FGF12: variants seen among roughly 807,000 people sequenced by gnomAD.
FGF12 encodes the protein fibroblast growth factor 12.
A neutral mutation model predicts 23.6 loss-of-function variants in FGF12; 14 were observed. The ratio of observed to expected loss-of-function variants is 0.59; its 90% CI spans 0.39 to 0.93. The LOEUF (loss-of-function observed/expected upper bound fraction) is 0.93, where lower values mean the gene tolerates loss of function less well. Ranked by LOEUF, FGF12 falls within the 40% of genes least tolerant of loss-of-function variation. The pLI, the probability that FGF12 is intolerant of heterozygous loss-of-function variation, is 0.00. For missense variants in FGF12, 175 were observed against 217.8 expected (o/e 0.80, Z 1.24); for synonymous variants, 62 against 77.3 (o/e 0.80, Z 1.04).
chr3:192,334,521 T>C (rs1717290365), intron 4 of FGF12, among the ~76,000 whole-genome samples: 1 of 152,042 alleles, frequency 6.6e-6, no homozygotes, highest in African/African-American at 2.4e-5. Context: ...AAAGCGGAAA[T>C]ACACACATAT....
chr3:192,359,764 T>G (rs905440257), intron 3 of FGF12, among the ~76,000 whole-genome samples: 7 of 151,874 alleles, frequency 4.6e-5, no homozygotes, highest in Non-Finnish European at 8.8e-5. Context: ...AAATTATTAT[T>G]AATCTTTGAA....
rs370955597 is a variant in FGF12 at position 192,149,428 on chromosome 3, A to G, written c.428-5301T>C. Among the ~76,000 whole-genome samples the G allele has an allele frequency of 2.1e-3, 285 of 137,410 alleles. 1 individual carries two copies. Among genetic ancestry groups the G allele is most frequent in the African/African-American group, 7.4e-3 (275 of 37,040 alleles). The allele number at this position is 137,410 out of a possible 152,430, so 90.1% of individuals were successfully genotyped here. ...CACTGCACCCACTAACTCGTCATCT[A>G]GCATTAGGTATATCTCCCAATGCTA... is the stretch of plus-strand genomic sequence containing the variant. On this transcript the variant is annotated intron_variant, in intron 5 of 5. Transcript: ENST00000445105.
At chr3:192,385,674 A>G (rs181203607) in intron 2 of FGF12, among the ~76,000 whole-genome samples, 2 of 152,158 alleles carry the variant, frequency 1.3e-5, no homozygotes, top group Admixed American at 1.3e-4. Flanking sequence ...TGTCCAAGCA[A>G]CATCCACCTC....
At chr3:192,338,741 G>A (rs1346063498) in intron 3 of FGF12, among the ~76,000 whole-genome samples, 1 of 152,174 alleles carries the variant, frequency 6.6e-6, no homozygotes, top group Non-Finnish European at 1.5e-5. Flanking sequence ...GAGAAAATAA[G>A]TCCTTGTTCT....
intron 2 of FGF12, among the ~76,000 whole-genome samples, chr3:192,592,863 G>A (rs1027079030): frequency 1.3e-5 from 2 of 151,770 alleles, no homozygotes; most frequent in African/African-American, 2.4e-5. Flanking sequence ...GCACAAAATT[G>A]TCTGCTTTGA....
intron 2 of FGF12, among the ~76,000 whole-genome samples, chr3:192,388,289 A>G (rs923538522): frequency 1.3e-5 from 2 of 152,210 alleles, no homozygotes; most frequent in Non-Finnish European, 2.9e-5. Flanking sequence ...TACATAAAAC[A>G]TAAGTGTCTA....
intron 2 of FGF12, among the ~76,000 whole-genome samples, chr3:192,572,595 A>C (rs1289992898): frequency 6.6e-6 from 1 of 152,228 alleles, no homozygotes; most frequent in Non-Finnish European, 1.5e-5. Context: ...CTTTAATTTG[A>C]ACCCAAGGAC....
chr3:192,662,553 T>G (rs1716711783), intron 2 of FGF12, among the ~76,000 whole-genome samples: 1 of 152,228 alleles, frequency 6.6e-6, no homozygotes, highest in South Asian at 2.1e-4. Context: ...AGGTCTGACT[T>G]GGATCCTCTA....
intron 2 of FGF12, among the ~76,000 whole-genome samples, chr3:192,588,349 C>CAAAAAAAAAA (rs1201739223): frequency 2.8e-4 from 19 of 66,922 alleles, no homozygotes; most frequent in South Asian, 6.5e-4. Context: ...CAATCCGTCT[C>CAAAAAAAAAA]AAAAAAAAAA....
intron 4 of FGF12, among the ~76,000 whole-genome samples, chr3:192,252,462 C>CAAAAAAAAAAAAAAAAAA (rs56920518): frequency 1.5e-4 from 4 of 27,494 alleles, no homozygotes; most frequent in Admixed American, 6.5e-4. Flanking sequence ...GAATCTGTCT[C>CAAAAAAAAAAAAAAAAAA]AAAAAAAAAA....
intron 4 of FGF12, among the ~76,000 whole-genome samples, chr3:192,276,114 G>A (rs1713767770): frequency 6.6e-6 from 1 of 152,142 alleles, no homozygotes. Context: ...AGTTAAAGAG[G>A]CTCATATATG....
intron 2 of FGF12, among the ~76,000 whole-genome samples, chr3:192,711,559 A>G (rs562176369): frequency 1.2e-4 from 19 of 152,184 alleles, no homozygotes; most frequent in African/African-American, 4.3e-4. Flanking sequence ...GTGTCTGTGT[A>G]GAAAGAAGTA....
intron 3 of FGF12, among the ~76,000 whole-genome samples, chr3:192,337,511 A>G (rs1717478226): frequency 6.6e-6 from 1 of 152,210 alleles, no homozygotes; most frequent in Non-Finnish European, 1.5e-5. Context: ...AATCTTAGAT[A>G]TCTGGACTTT....
intron 3 of FGF12, among the ~76,000 whole-genome samples, chr3:192,337,111 C>T (rs1223717234): frequency 6.6e-6 from 1 of 152,034 alleles, no homozygotes; most frequent in South Asian, 2.1e-4. Flanking sequence ...AAGAACTAGA[C>T]AAAGTCTAGT....
Position 192,249,184 on chromosome 3 carries a change from C to A in FGF12, c.229-78528G>T, listed in dbSNP as rs1260900320. 1.3e-5 allele frequency among the ~76,000 whole-genome samples: 2 copies of A among 151,978 alleles called. 1 individual carries two copies. The highest frequency in any genetic ancestry group is 3.9e-4 in the East Asian group (2 of 5,184). On this transcript the variant is annotated intron_variant, in intron 4 of 5. Coordinates refer to ENST00000445105, the MANE Select transcript of FGF12 (RefSeq NM_004113.6). ...ATGTGATATAACTCCCATCCAAGGTCCCTAGCAGAATGTCTTTCACAAAGC... is the reference window on the plus strand; with the variant it reads ...ATGTGATATAACTCCCATCCAAGGTACCTAGCAGAATGTCTTTCACAAAGC...
At chr3:192,226,001 G>T (rs191214580) in intron 4 of FGF12, among the ~76,000 whole-genome samples, 149 of 152,258 alleles carry the variant, frequency 9.8e-4, no homozygotes, top group African/African-American at 3.5e-3. Context: ...TATTTTGGGG[G>T]TGATGAAAAC....
intron 4 of FGF12, among the ~76,000 whole-genome samples, chr3:192,174,474 T>C (rs986467567): frequency 7.9e-5 from 12 of 152,176 alleles, no homozygotes; most frequent in African/African-American, 2.7e-4. Flanking sequence ...CAGCTATTAA[T>C]ACCTGACCAG....
chr3:192,668,072 G>A (rs1014047823), intron 2 of FGF12, among the ~76,000 whole-genome samples: 1 of 151,964 alleles, frequency 6.6e-6, no homozygotes, highest in African/African-American at 2.4e-5. Context: ...TCCAAGAATG[G>A]AGAATTGGTT....
At chr3:192,635,168 T>C (rs1161294037) in intron 2 of FGF12, among the ~76,000 whole-genome samples, 3 of 152,218 alleles carry the variant, frequency 2.0e-5, no homozygotes, top group Non-Finnish European at 4.4e-5. Context: ...CGGAGAATAA[T>C]TTTTAAAATA....
Sources: allele counts gnomAD v4.1 joint callset (sites outside exome capture counted in the v4.1 genomes callset), GRCh38; gene constraint gnomAD v4.1.1; transcripts MANE v1.5; gene names NCBI Gene and HGNC (gene_info 2026-07-23, HGNC 2026-07-21).